Variants in VRK2 observed in about 807,000 individuals in gnomAD.
VRK2 encodes serine/threonine-protein kinase VRK2.
In VRK2, 60 loss-of-function variants were observed where a neutral mutation model predicts 57.6. The observed-to-expected ratio is 1.04, with a 90% confidence interval of 0.85 to 1.29. The LOEUF is 1.29. Among genes scored for constraint, VRK2 ranks in the 50% most tolerant of loss-of-function variants. VRK2 has a pLI of 0.00. For missense variants in VRK2, 705 were observed against 588.1 expected (o/e 1.20, Z -2.06); for synonymous variants, 231 against 199.2 (o/e 1.16, Z -1.35).
At chr2:57,945,781 T>C (rs1485220911) in intron 1 of VRK2, among the ~76,000 whole-genome samples, 1 of 152,090 alleles carries the variant, frequency 6.6e-6, no homozygotes, top group African/African-American at 2.4e-5. Context: ...TGGGAAGAGA[T>C]AATAAATATT....
chr2:57,982,402 G>C (rs1009034897), intron 1 of VRK2, among the ~76,000 whole-genome samples: 6 of 152,216 alleles, frequency 3.9e-5, no homozygotes, highest in Non-Finnish European at 7.3e-5. Context: ...GCATGCAAAA[G>C]CACTAGTGTC....
At position 58,159,416 on chromosome 2, in the gene VRK2, C is replaced by G; in HGVS notation, c.1250C>G (p.Pro417Arg). 6.2e-7 allele frequency: 1 copy of G among 1,613,376 alleles called. No individual in the cohort carries two copies. Among genetic ancestry groups the G allele is most frequent in the Non-Finnish European group, 8.5e-7 (1 of 1,179,646 alleles). The stretch of plus-strand genomic sequence containing the variant: ...CCTTTGAATGAAGTAAACAGTTTCC[C>G]ACAAAAAATCAGCTATACACAATTC... Reference protein sequence around the residue: ...QEPLNEVNSFPQKISYTQFPN... With the variant: ...QEPLNEVNSFRQKISYTQFPN... The change falls in exon 13 of 13, where the codon CCA becomes CGA. Residue 417 changes from proline (P) to arginine (R), a missense_variant. Physicochemically the swap from Pro to Arg is moderately radical, Grantham distance 103. Transcript: ENST00000340157.
intron 11 of VRK2, among the ~76,000 whole-genome samples, chr2:58,145,723 C>T (rs886699744): frequency 3.9e-5 from 6 of 151,916 alleles, no homozygotes; most frequent in Non-Finnish European, 7.4e-5. Context: ...GTGCTGCACC[C>T]GTTAACTCAT....
intron 7 of VRK2, among the ~76,000 whole-genome samples, chr2:58,115,387 A>T (rs1164873587): frequency 6.6e-6 from 1 of 152,176 alleles, no homozygotes; most frequent in Admixed American, 6.5e-5. Context: ...CAGAAAGTAT[A>T]TGCGTCAGGT....
At chr2:58,091,845 C>T (rs947536664) in intron 7 of VRK2, among the ~76,000 whole-genome samples, 1 of 152,014 alleles carries the variant, frequency 6.6e-6, no homozygotes, top group African/African-American at 2.4e-5. Context: ...ACCAAAACAG[C>T]GAGGCACCCT....
chr2:58,053,221 A>T (rs1373992035), intron 2 of VRK2, among the ~76,000 whole-genome samples: 1 of 152,236 alleles, frequency 6.6e-6, no homozygotes, highest in Non-Finnish European at 1.5e-5. Flanking sequence ...ATCTAAAAGA[A>T]TGTGCATGTG....
chr2:57,956,713 A>G (rs376475038), intron 1 of VRK2, among the ~76,000 whole-genome samples: 1 of 152,212 alleles, frequency 6.6e-6, no homozygotes, highest in African/African-American at 2.4e-5. Flanking sequence ...TATTTGGAGA[A>G]GAAAGTAGGC....
rs996033602 is a variant in VRK2, at chr2:58,155,795, G to A, written c.1183-3554G>A. 3.7e-5 allele frequency among the ~76,000 whole-genome samples: 5 copies of A among 135,506 alleles called. No individual in the cohort carries two copies. The East Asian group carries it at 1.2e-3, about 32-fold the overall frequency. 88.9% of individuals were successfully genotyped at this position (135,506 alleles called of 152,430 possible). On this transcript the variant is annotated intron_variant, in intron 12 of 12. Coordinates refer to ENST00000340157, the MANE Select transcript of VRK2 (RefSeq NM_006296.7). ...CGCCGCCCCGTTTCCACAGCACCTGGAGAGAAGTAAGGTACAGCTTCTTTC... is the reference window on the plus strand; with the variant it reads ...CGCCGCCCCGTTTCCACAGCACCTGAAGAGAAGTAAGGTACAGCTTCTTTC...
chr2:57,966,215 C>A (rs932669597), intron 1 of VRK2, among the ~76,000 whole-genome samples: 3 of 152,146 alleles, frequency 2.0e-5, no homozygotes, highest in Non-Finnish European at 2.9e-5. Flanking sequence ...CCTCCCAAGG[C>A]CCATGGGCAT....
At chr2:58,109,900 G>C (rs778701109) in intron 7 of VRK2, among the ~76,000 whole-genome samples, 12 of 152,064 alleles carry the variant, frequency 7.9e-5, no homozygotes, top group Non-Finnish European at 1.5e-4. Flanking sequence ...GTCTTACTCT[G>C]TTGCCCACAA....
chr2:57,930,389 C>T (rs1211433921), intron 1 of VRK2, among the ~76,000 whole-genome samples: 2 of 152,124 alleles, frequency 1.3e-5, no homozygotes, highest in African/African-American at 4.8e-5. Context: ...TGCGCTCCCT[C>T]CCCCAAACAC....
chr2:58,122,567 C>T (rs917313691), intron 7 of VRK2, among the ~76,000 whole-genome samples: 3 of 152,156 alleles, frequency 2.0e-5, no homozygotes, highest in Non-Finnish European at 2.9e-5. Context: ...ACGTTGAGTA[C>T]GCTGAGGAAG....
At chr2:58,005,054 C>A (rs1179374675) in intron 1 of VRK2, among the ~76,000 whole-genome samples, 2 of 152,232 alleles carry the variant, frequency 1.3e-5, no homozygotes, top group Non-Finnish European at 2.9e-5. Flanking sequence ...ATTATGTTAA[C>A]ATTCATGCAA....
At chr2:57,973,441 G>C (rs757539869) in intron 1 of VRK2, among the ~76,000 whole-genome samples, 19 of 151,706 alleles carry the variant, frequency 1.3e-4, no homozygotes, top group Admixed American at 1.3e-3. Flanking sequence ...ACTCAAAATA[G>C]TCTAAAAAGC....
At chr2:58,017,768 T>C (rs527643304) in intron 1 of VRK2, among the ~76,000 whole-genome samples, 2 of 152,308 alleles carry the variant, frequency 1.3e-5, no homozygotes, top group South Asian at 2.1e-4. Context: ...AATAAATCTC[T>C]TTGAAAGGGA....
rs542009483 is a variant in VRK2 at position 58,147,258 on chromosome 2, A to G, written c.1182+784A>G. ...AAAATTAGAAGCATAGTACTTATGC[A>G]TTCTTCAGCCAGCCAACAAGCCTGC... On this transcript the variant is annotated intron_variant, in intron 12 of 12. Transcript: ENST00000340157. 1.2e-4 allele frequency: 58 copies of G among 495,958 alleles called. 2 individuals carry two copies. In the East Asian group the frequency reaches 3.0e-3, roughly 25 times the overall value. The allele number at this position is 495,958 out of a possible 1,614,324, so 30.7% of individuals were successfully genotyped here. A position where few individuals can be genotyped will look rare whatever the true frequency, so the allele number is the denominator to read the frequency against.
chr2:57,921,340 G>T (rs1670341905), intron 1 of VRK2, among the ~76,000 whole-genome samples: 1 of 150,746 alleles, frequency 6.6e-6, no homozygotes, highest in Non-Finnish European at 1.5e-5. Context: ...TTAATCCACT[G>T]CCTATAGCTT....
intron 1 of VRK2, among the ~76,000 whole-genome samples, chr2:57,988,856 C>T (rs1672678168): frequency 6.6e-6 from 1 of 152,122 alleles, no homozygotes; most frequent in Admixed American, 6.6e-5. Flanking sequence ...CCATAATAAG[C>T]CTCTTCTATA....
chr2:57,975,120 C>G (rs929457911), intron 1 of VRK2, among the ~76,000 whole-genome samples: 2 of 151,556 alleles, frequency 1.3e-5, no homozygotes, highest in African/African-American at 2.4e-5. Context: ...CATAGACAAC[C>G]CTTAACATTT....
Sources: gnomAD v4.1 joint callset for allele counts (sites outside exome capture counted in the v4.1 genomes callset) on GRCh38, gnomAD v4.1.1 for gene constraint, MANE v1.5 for transcripts, NCBI Gene and HGNC (gene_info 2026-07-23, HGNC 2026-07-21) for gene names.